Variants in KCTD5 observed in about 807,000 individuals in gnomAD.
The protein encoded by KCTD5 is BTB/POZ domain-containing protein KCTD5.
KCTD5 carries 12 observed loss-of-function variants against 27.9 expected under a neutral mutation model. The ratio of observed to expected loss-of-function variants is 0.43; its 90% CI spans 0.28 to 0.70. KCTD5 has a LOEUF of 0.70. KCTD5 is among the 30% of genes least tolerant of loss of function. KCTD5 has a pLI of 0.19. For missense variants in KCTD5, 226 were observed against 274.8 expected (o/e 0.82, Z 1.26); for synonymous variants, 147 against 121.4 (o/e 1.21, Z -1.39).
At chr16:2,688,655 C>T (rs1472667046) in intron 1 of KCTD5, among the ~76,000 whole-genome samples, 2 of 123,690 alleles carry the variant, frequency 1.6e-5, no homozygotes, top group South Asian at 3.1e-4. Context: ...GGTGATGCAC[C>T]GGAGGTCCCT....
At chr16:2,687,185 C>A (rs182258555) in intron 1 of KCTD5, among the ~76,000 whole-genome samples, 1 of 152,136 alleles carries the variant, frequency 6.6e-6, no homozygotes, top group Admixed American at 6.5e-5. Flanking sequence ...CCTTAGGCCA[C>A]GAGTCAGTTC....
chr16:2,682,569 G>T lies in KCTD5; in HGVS notation c.21G>T (p.Glu7Asp). 1 of 1,414,728 alleles carries T rather than the reference G, an allele frequency of 7.1e-7. No homozygotes were observed. The highest frequency in any genetic ancestry group is 9.2e-7 in the Non-Finnish European group (1 of 1,088,396). 87.6% of individuals were successfully genotyped at this position (1,414,728 alleles called of 1,614,324 possible). MAENHC[E>D]LLSPARGGIG... ...GGATCATGGCGGAGAATCACTGCGAGCTCCTGTCGCCGGCCCGGGGCGGCA... is the reference window on the plus strand; with the variant it reads ...GGATCATGGCGGAGAATCACTGCGATCTCCTGTCGCCGGCCCGGGGCGGCA... The change falls in exon 1 of 6, where the codon GAG (glutamate) becomes GAT (aspartate). Residue 7 changes from glutamate (E) to aspartate (D), a missense_variant. Around this residue, in one of 2 missense-constraint regions of KCTD5, gnomAD observed 91 missense variants for 67.8 expected, o/e 1.34. Transcript: ENST00000301738.
chr16:2,706,697 C>G (rs1178969398), intron 5 of KCTD5, among the ~76,000 whole-genome samples: 1 of 151,934 alleles, frequency 6.6e-6, no homozygotes, highest in East Asian at 1.9e-4. Flanking sequence ...GGGCCGTGGG[C>G]TCTGCAGGGC....
At chr16:2,692,218 G>A (rs1314979080) in intron 1 of KCTD5, among the ~76,000 whole-genome samples, 2 of 152,184 alleles carry the variant, frequency 1.3e-5, no homozygotes, top group Non-Finnish European at 2.9e-5. Context: ...TTAGGGTGTC[G>A]CTTTTCTGGC....
chr16:2,705,203 G>A (rs1001040961), intron 5 of KCTD5, among the ~76,000 whole-genome samples: 7 of 152,182 alleles, frequency 4.6e-5, no homozygotes, highest in Admixed American at 6.5e-5. Context: ...GGTGAGCTCC[G>A]TGGCCTCCTT....
At position 2,707,477 on chromosome 16, in the gene KCTD5, G is replaced by C. The variant is rs1051557976; in HGVS notation, c.*150G>C. On this transcript the variant is annotated 3_prime_UTR_variant, in exon 6 of 6. Coordinates refer to ENST00000301738, the MANE Select transcript of KCTD5 (RefSeq NM_018992.4). ...GTGAATCCTTTTTTGCCTCTGAGGTGGGTGGTGAGAGACGGGCCCAGCTGT... is the reference window on the plus strand; with the variant it reads ...GTGAATCCTTTTTTGCCTCTGAGGTCGGTGGTGAGAGACGGGCCCAGCTGT... 7.0e-6 allele frequency: 6 copies of C among 854,940 alleles called. No individual in the cohort carries two copies. The African/African-American group carries it at 1.0e-4, about 14-fold the overall frequency. 53.0% of individuals were successfully genotyped at this position (854,940 alleles called of 1,614,324 possible).
At chr16:2,684,102 A>G (rs1334376075) in intron 1 of KCTD5, 7 of 152,056 alleles carry the variant, frequency 4.6e-5, no homozygotes, top group African/African-American at 1.7e-4. Flanking sequence ...TTTTCCTTTT[A>G]TAAGTGTGGG....
intron 1 of KCTD5, among the ~76,000 whole-genome samples, chr16:2,689,683 CTT>C (rs200225165): frequency 9.4e-5 from 13 of 138,678 alleles, no homozygotes; most frequent in Admixed American, 7.0e-5. Context: ...GTTTTCTTTT[CTT>C]TTTTTTTTTT....
intron 1 of KCTD5, chr16:2,683,140 C>T (rs1228737970): frequency 3.0e-5 from 7 of 233,776 alleles, no homozygotes; most frequent in Non-Finnish European, 4.2e-5. Flanking sequence ...TCACTAGGTT[C>T]TTTTGCCCAG....
chr16:2,696,551 C>A (rs953460296), intron 2 of KCTD5, among the ~76,000 whole-genome samples: 5 of 152,268 alleles, frequency 3.3e-5, no homozygotes, highest in African/African-American at 1.2e-4. Context: ...GGCGCCCACA[C>A]GCGTTGGGCC....
At chr16:2,688,455 T>G (rs2067552188) in intron 1 of KCTD5, among the ~76,000 whole-genome samples, 11 of 152,046 alleles carry the variant, frequency 7.2e-5, no homozygotes. Flanking sequence ...TTTGCCATGT[T>G]GGCCAGGCTG....
rs77958764 is a variant in KCTD5 at position 2,690,398 on chromosome 16, C to G, written c.253-5537C>G. Among the ~76,000 whole-genome samples, 514 of 152,358 alleles carry G rather than the reference C, an allele frequency of 3.4e-3. 5 individuals carry two copies. Among genetic ancestry groups the G allele is most frequent in the African/African-American group, 0.012 (482 of 41,590 alleles). On this transcript the variant is annotated intron_variant, in intron 1 of 5. Coordinates refer to ENST00000301738, the MANE Select transcript of KCTD5 (RefSeq NM_018992.4). ...GGACCTCTGGAGATGGGTGGCTCAG[C>G]CCAGCCTGCTGGGCCCACTCAATGC...
Position 2,686,028 on chromosome 16 carries a change from A to G in KCTD5, c.252+3228A>G, listed in dbSNP as rs1437503119. ...TCTGGTAGGGAGGGGAGCTCTTGAC[A>G]GACGGGTTGTTAGGGAGGGTGGTGA... is the stretch of plus-strand genomic sequence containing the variant. On this transcript the variant is annotated intron_variant, in intron 1 of 5. Coordinates refer to ENST00000301738, the MANE Select transcript of KCTD5 (RefSeq NM_018992.4). 5 of 145,564 alleles carry G rather than the reference A, an allele frequency of 3.4e-5. No individual in the cohort carries two copies. In the Admixed American group the frequency reaches 3.5e-4, roughly 10 times the overall value. 9.0% of individuals were successfully genotyped at this position (145,564 alleles called of 1,614,324 possible). A position where few individuals can be genotyped will look rare whatever the true frequency, so the allele number is the denominator to read the frequency against.
chr16:2,702,435 A>G lies in KCTD5; in HGVS notation c.632A>G (p.Asn211Ser). The change falls in exon 5 of 6, where the codon AAC becomes AGC. Residue 211 changes from asparagine to serine, a missense_variant. Asn to Ser is a conservative substitution (Grantham distance 46). Around this residue, in one of 2 missense-constraint regions of KCTD5, gnomAD observed 135 missense variants for 207.0 expected, o/e 0.65. Transcript: ENST00000301738. Reference protein sequence around the residue: ...FLCVVSKELHNTPYGTASEPS... With the variant: ...FLCVVSKELHSTPYGTASEPS... The stretch of plus-strand genomic sequence containing the variant: ...TGTGTGGTGTCCAAGGAGCTGCACA[A>G]CACCCCGTACGGTACGGCCAGCGAG... The G allele has an allele frequency of 6.2e-7, 1 of 1,613,200 alleles. No homozygotes were observed. The highest frequency in any genetic ancestry group is 8.5e-7 in the Non-Finnish European group (1 of 1,179,904).
chr16:2,698,447 G>C (rs2067596239), intron 3 of KCTD5, among the ~76,000 whole-genome samples: 1 of 152,240 alleles, frequency 6.6e-6, no homozygotes, highest in South Asian at 2.1e-4. Flanking sequence ...AAGAGGGGCG[G>C]CTCGCCACAG....
intron 5 of KCTD5, among the ~76,000 whole-genome samples, chr16:2,704,771 C>A (rs536800121): frequency 6.6e-6 from 1 of 152,330 alleles, no homozygotes; most frequent in South Asian, 2.1e-4. Context: ...CTCCCTCCTG[C>A]AGCAGTGGGG....
intron 4 of KCTD5, 104 bp downstream of exon 4, chr16:2,700,020 C>T (rs1373106707): frequency 3.8e-6 from 4 of 1,048,842 alleles, no homozygotes; most frequent in African/African-American, 1.6e-5. Context: ...TTGCTGCTGG[C>T]GTCTTCCTGC....
intron 1 of KCTD5, among the ~76,000 whole-genome samples, chr16:2,693,913 G>T (rs1297349897): frequency 6.7e-6 from 1 of 148,382 alleles, no homozygotes; most frequent in East Asian, 2.0e-4. Context: ...GCCAGGCCTG[G>T]AGGCCTCCAT....
chr16:2,707,467 C>T lies in KCTD5; in HGVS notation c.*140C>T. ...AGATCTGGGTGTGAATCCTTTTTTG[C>T]CTCTGAGGTGGGTGGTGAGAGACGG... On this transcript the variant is annotated 3_prime_UTR_variant, in exon 6 of 6. Transcript: ENST00000301738. 3 of 909,510 alleles carry T rather than the reference C, an allele frequency of 3.3e-6. No individual in the cohort carries two copies. The highest frequency in any genetic ancestry group is 5.4e-6 in the Non-Finnish European group (3 of 556,008). 56.3% of individuals were successfully genotyped at this position (909,510 alleles called of 1,614,324 possible).
Sources: gnomAD v4.1 joint callset for allele counts (sites outside exome capture counted in the v4.1 genomes callset) on GRCh38, gnomAD v4.1.1 for gene constraint, gnomAD v4.1.1 regional missense constraint, MANE v1.5 for transcripts, NCBI Gene and HGNC (gene_info 2026-07-23, HGNC 2026-07-21) for gene names.